SEMA3A: variants seen among roughly 807,000 people sequenced by gnomAD.
SEMA3A encodes semaphorin-3A.
SEMA3A carries 29 observed loss-of-function variants against 97.9 expected under a neutral mutation model. The observed-to-expected ratio is 0.30, with a 90% confidence interval of 0.22 to 0.40. The LOEUF (loss-of-function observed/expected upper bound fraction) is 0.40. Among genes scored for constraint, SEMA3A ranks in the 10% least tolerant of loss-of-function variants. SEMA3A has a pLI of 1.00. For missense variants in SEMA3A, 763 were observed against 951.3 expected (o/e 0.80, Z 2.60); for synonymous variants, 321 against 323.7 (o/e 0.99, Z 0.09).
chr7:84,251,919 A>G (rs1799618967), intron 3 of SEMA3A, among the ~76,000 whole-genome samples: 1 of 151,508 alleles, frequency 6.6e-6, no homozygotes, highest in Non-Finnish European at 1.5e-5. Flanking sequence ...AAAAGAAAAC[A>G]ATTGCGGAGA....
intron 15 of SEMA3A, 25 bp from the exon 16 acceptor site, chr7:83,963,372 T>C (rs763191526): frequency 4.1e-5 from 65 of 1,596,182 alleles, no homozygotes; most frequent in Non-Finnish European, 5.0e-5. Context: ...GAAAATGCAA[T>C]GAGAAAATAT....
At chr7:84,435,562 C>T (rs973923467) in intron 1 of SEMA3A, among the ~76,000 whole-genome samples, 1 of 152,132 alleles carries the variant, frequency 6.6e-6, no homozygotes. Flanking sequence ...GAGCCAAGAT[C>T]GGGCCAATGC....
At chr7:84,456,548 A>G (rs553435184) in intron 1 of SEMA3A, among the ~76,000 whole-genome samples, 1 of 151,958 alleles carries the variant, frequency 6.6e-6, no homozygotes, top group South Asian at 2.1e-4. Flanking sequence ...TTAATCAAAT[A>G]GAAAGATTTA....
Position 84,005,572 on chromosome 7 carries a change from G to C in SEMA3A, c.1141-14C>G, listed in dbSNP as rs1206469800. 6.6e-7 allele frequency: 1 copy of C among 1,518,336 alleles called. No homozygotes were observed. The highest frequency in any genetic ancestry group is 9.1e-7 in the Non-Finnish European group (1 of 1,099,504). The allele number at this position is 1,518,336 out of a possible 1,614,324, so 94.1% of individuals were successfully genotyped here. On this transcript the variant is annotated splice_polypyrimidine_tract_variant and intron_variant, in intron 10 of 16. Transcript: ENST00000265362. ...TTTGCTGGGACACTATTAAGATAAA[G>C]AGAAAATTATCTTTTGATTAAAATC...
intron 1 of SEMA3A, among the ~76,000 whole-genome samples, chr7:84,186,042 T>C (rs1052319396): frequency 1.3e-5 from 2 of 152,190 alleles, no homozygotes; most frequent in Non-Finnish European, 2.9e-5. Context: ...CCTGCTATGC[T>C]GCAGCTCTAA....
In SEMA3A at chr7:83,956,339, G is replaced by A. The variant is rs1788276824; in HGVS notation, c.*5032C>T. The A allele has an allele frequency of 6.6e-6, 1 of 152,108 alleles. No homozygotes were observed. The highest frequency in any genetic ancestry group is 6.6e-5 in the Admixed American group (1 of 15,256). 9.4% of individuals were successfully genotyped at this position (152,108 alleles called of 1,614,324 possible). A position where few individuals can be genotyped will look rare whatever the true frequency, so the allele number is the denominator to read the frequency against. ...TAGGTGAAATGTAACAGAAACTTTC[G>A]TTTGAACTGAGAGCATAGGGGAGTG... On this transcript the variant is annotated 3_prime_UTR_variant, in exon 17 of 17. Coordinates refer to ENST00000265362, the MANE Select transcript of SEMA3A (RefSeq NM_006080.3).
At chr7:84,329,245 G>A (rs1336036459) in intron 2 of SEMA3A, among the ~76,000 whole-genome samples, 3 of 151,970 alleles carry the variant, frequency 2.0e-5, no homozygotes, top group Admixed American at 6.6e-5. Flanking sequence ...GACATTACAC[G>A]TAATTTTCTG....
chr7:84,324,415 G>C (rs1801725602), intron 2 of SEMA3A, among the ~76,000 whole-genome samples: 1 of 152,160 alleles, frequency 6.6e-6, no homozygotes, highest in Non-Finnish European at 1.5e-5. Context: ...TGGATATAAA[G>C]TTAATGCTGA....
At chr7:84,199,128 T>G (rs146079692), upstream of SEMA3A, among the ~76,000 whole-genome samples, 7 of 152,336 alleles carry the variant, frequency 4.6e-5, no homozygotes, top group East Asian at 1.2e-3. Flanking sequence ...CTAAGTACTT[T>G]CCTTGGTTAT....
At chr7:84,166,546 G>A (rs1477136296) in intron 1 of SEMA3A, among the ~76,000 whole-genome samples, 1 of 144,000 alleles carries the variant, frequency 6.9e-6, no homozygotes, top group African/African-American at 2.6e-5. Context: ...ACTCCAGCCT[G>A]GGCAACAAGA....
At chr7:84,049,655 T>C (rs951399692) in intron 5 of SEMA3A, among the ~76,000 whole-genome samples, 10 of 152,112 alleles carry the variant, frequency 6.6e-5, no homozygotes, top group African/African-American at 2.4e-4. Flanking sequence ...ACTTCTTTTG[T>C]GGTTTCTAGG....
chr7:84,320,595 G>T (rs760428696), intron 2 of SEMA3A, among the ~76,000 whole-genome samples: 2 of 152,110 alleles, frequency 1.3e-5, no homozygotes, highest in Non-Finnish European at 2.9e-5. Flanking sequence ...ACAGTTTAAG[G>T]TATCTTTGTT....
At chr7:83,968,926 T>C (rs1788821048) in intron 15 of SEMA3A, among the ~76,000 whole-genome samples, 1 of 147,196 alleles carries the variant, frequency 6.8e-6, no homozygotes, top group African/African-American at 2.5e-5. Flanking sequence ...TTCTCCTGCC[T>C]CAGCCTCCAG....
intron 12 of SEMA3A, among the ~76,000 whole-genome samples, chr7:83,999,934 T>C (rs190599908): frequency 6.6e-6 from 1 of 151,454 alleles, no homozygotes; most frequent in Admixed American, 6.6e-5. Context: ...ATCTTTCTCA[T>C]ACTGGGGCAC....
chr7:84,238,109 A>G (rs548808185), intron 3 of SEMA3A, among the ~76,000 whole-genome samples: 9 of 151,672 alleles, frequency 5.9e-5, no homozygotes, highest in Middle Eastern at 3.5e-3. Flanking sequence ...TCACTCTGTC[A>G]CCCAGACTGG....
At chr7:84,358,273 T>C (rs932093853) in intron 2 of SEMA3A, among the ~76,000 whole-genome samples, 2 of 152,212 alleles carry the variant, frequency 1.3e-5, no homozygotes, top group African/African-American at 2.4e-5. Context: ...GTTTCAGGTC[T>C]AACATTTAAG....
At chr7:83,992,825 C>G (rs1470911472) in intron 12 of SEMA3A, among the ~76,000 whole-genome samples, 1 of 152,050 alleles carries the variant, frequency 6.6e-6, no homozygotes, top group African/African-American at 2.4e-5. Context: ...CTGTAGATGT[C>G]TATTAGGTCC....
At chr7:84,306,389 A>ATCTCAATCAAGGTAATTAACACATTC (rs1187148122) in intron 3 of SEMA3A, 15 of 152,204 alleles carry the variant, frequency 9.9e-5, no homozygotes, top group African/African-American at 3.4e-4. Flanking sequence ...AATGAATTTT[A>ATCTCAATCAAGGTAATTAACACATTC]TTCTACTCAA....
chr7:84,393,379 A>T (rs1455371114), intron 1 of SEMA3A, among the ~76,000 whole-genome samples: 2 of 152,114 alleles, frequency 1.3e-5, no homozygotes, highest in East Asian at 3.9e-4. Flanking sequence ...AAAATCTGTA[A>T]TAGCCAAAGC....
Sources: gnomAD v4.1 joint callset for allele counts (sites outside exome capture counted in the v4.1 genomes callset) on GRCh38, gnomAD v4.1.1 for gene constraint, MANE v1.5 for transcripts, NCBI Gene and HGNC (gene_info 2026-07-23, HGNC 2026-07-21) for gene names.